The following ADGRA2 variants were observed in gnomAD, a reference collection of about 807,000 sequenced individuals.
The protein encoded by ADGRA2 is adhesion G protein-coupled receptor A2, also known as G-protein coupled receptor 124.
A neutral mutation model predicts 98.7 loss-of-function variants in ADGRA2; 61 were observed. That is an observed-to-expected ratio of 0.62 (90% confidence interval 0.50 to 0.76). The LOEUF is 0.76. ADGRA2 is among the 30% of genes least tolerant of loss of function. The pLI is 0.00. For synonymous variants in ADGRA2, 858 were observed against 831.5 expected (o/e 1.03, Z -0.55); for missense variants, 1,712 against 1,860.0 (o/e 0.92, Z 1.46).
rs773911451 is a variant in ADGRA2, at chr8:37,840,221, C to T, written c.2612C>T (p.Pro871Leu). 2.3e-5 allele frequency: 37 copies of T among 1,612,858 alleles called. No homozygotes were observed. Among genetic ancestry groups the T allele is most frequent in the East Asian group, 2.2e-5 (1 of 44,890 alleles). ...HKELTWRAPP[P>L]QEGDPALPTP... ...GAGCTCACCTGGAGGGCACCCCCTC[C>T]GCAAGAAGGGGACCCCGCTCTGCCT... Residue 871 changes from proline (P) to leucine (L), a missense_variant, in exon 17 of 19, where the codon CCG becomes CTG. Physicochemically the swap from Pro to Leu is moderately conservative, Grantham distance 98. Transcript: ENST00000412232.
intron 2 of ADGRA2, among the ~76,000 whole-genome samples, chr8:37,821,201 C>G (rs1174464248): frequency 6.6e-6 from 1 of 152,190 alleles, no homozygotes; most frequent in East Asian, 1.9e-4. Context: ...GGAATCATCC[C>G]TCCTTCTTTT....
chr8:37,827,624 C>A (rs948376811), intron 2 of ADGRA2, among the ~76,000 whole-genome samples: 1 of 152,220 alleles, frequency 6.6e-6, no homozygotes, highest in Non-Finnish European at 1.5e-5. Context: ...CCCGACACTG[C>A]GGGCTCCTGC....
At chr8:37,828,290 C>T (rs531347447) in intron 2 of ADGRA2, among the ~76,000 whole-genome samples, 1 of 152,316 alleles carries the variant, frequency 6.6e-6, no homozygotes, top group South Asian at 2.1e-4. Flanking sequence ...ACCCCAGCGA[C>T]CTGCAGGGCA....
At chr8:37,825,336 C>T (rs924810255) in intron 2 of ADGRA2, among the ~76,000 whole-genome samples, 6 of 152,050 alleles carry the variant, frequency 3.9e-5, no homozygotes, top group Middle Eastern at 3.2e-3. Context: ...CTCCACCTCC[C>T]AGGTTCAGGT....
At chr8:37,840,725 C>T (rs1365383290) in intron 17 of ADGRA2, 35 bp from the exon 18 acceptor site, 12 of 1,103,590 alleles carry the variant, frequency 1.1e-5, no homozygotes, top group Non-Finnish European at 1.7e-5. Context: ...TCCCTTTCCC[C>T]ATCTCTGGGA....
intron 15 of ADGRA2, 76 bp downstream of exon 15, chr8:37,839,159 A>C: frequency 1.3e-6 from 2 of 1,550,344 alleles, no homozygotes; most frequent in Non-Finnish European, 1.8e-6. Flanking sequence ...TTCCCGTCCT[A>C]TGCTCCGGTA....
At chr8:37,829,141 C>A in intron 3 of ADGRA2, 120 bp from the exon 4 acceptor site, 1 of 880,658 alleles carries the variant, frequency 1.1e-6, no homozygotes, top group Non-Finnish European at 1.9e-6. Context: ...TGGCCCCAAC[C>A]TCATCTCCTT....
In ADGRA2 at chr8:37,830,982, C is replaced by G. The variant is rs1410017799; in HGVS notation, c.932+59C>G. 6 of 1,253,908 alleles carry G rather than the reference C, an allele frequency of 4.8e-6. No homozygotes were observed. Among genetic ancestry groups the G allele is most frequent in the Non-Finnish European group, 5.6e-6 (5 of 888,458 alleles). The allele number at this position is 1,253,908 out of a possible 1,614,324, so 77.7% of individuals were successfully genotyped here. On this transcript the variant is annotated intron_variant, in intron 7 of 18. Transcript: ENST00000412232. The surrounding 1 kb of genome is among the most constrained non-coding windows in gnomAD (Gnocchi z 4.8). ...CATGGGGTTAGGGGACCTACCCTAC[C>G]CGTCACCACCCCGCAAAAGAGCTGC...
rs1805427862 is a variant in ADGRA2, at chr8:37,830,702, T to C, written c.719-8T>C. ...CTCGGGCCTCACGCCTGGTGTCTCC[T>C]CCCACAGAGGGGGCCCTGGAGCTGC... On this transcript the variant is annotated splice_polypyrimidine_tract_variant and splice_region_variant and intron_variant, in intron 6 of 18. Coordinates refer to ENST00000412232, the MANE Select transcript of ADGRA2 (RefSeq NM_032777.10). The surrounding 1 kb of genome is among the most constrained non-coding windows in gnomAD (Gnocchi z 4.8). 6.9e-7 allele frequency: 1 copy of C among 1,440,476 alleles called. No homozygotes were observed. Among genetic ancestry groups the C allele is most frequent in the South Asian group, 1.2e-5 (1 of 85,520 alleles). 89.2% of individuals were successfully genotyped at this position (1,440,476 alleles called of 1,614,324 possible). A position where few individuals can be genotyped will look rare whatever the true frequency, so the allele number is the denominator to read the frequency against.
intron 1 of ADGRA2, among the ~76,000 whole-genome samples, chr8:37,806,047 C>A (rs1396263504): frequency 1.3e-5 from 2 of 152,068 alleles, no homozygotes; most frequent in African/African-American, 2.4e-5. Context: ...AAAAGTTTGG[C>A]TCCCCCCGGG....
At chr8:37,839,339 G>C in intron 15 of ADGRA2, 160 bp from the exon 16 acceptor site, 2 of 877,250 alleles carry the variant, frequency 2.3e-6, no homozygotes, top group Non-Finnish European at 2.7e-6. Context: ...GAATCACTTT[G>C]AGGGGTTAAG....
intron 1 of ADGRA2, among the ~76,000 whole-genome samples, chr8:37,801,122 T>C (rs1804489449): frequency 6.6e-6 from 1 of 152,136 alleles, no homozygotes; most frequent in Admixed American, 6.5e-5. Flanking sequence ...ACAGTCCCAT[T>C]TACCGCATGG....
Position 37,833,768 on chromosome 8 carries a change from CA to C in ADGRA2, c.1378del (p.Met460Ter). On this transcript the variant is annotated frameshift_variant, in exon 10 of 19. Transcript: ENST00000412232. LOFTEE classifies it high-confidence loss of function. ...YTAEAASFSD[M>X]MDVVYVAQMI... ...CAGCCGAGGCCGCTAGCTTTTCAGA[CA>C]TGATGGATGTAGTCTATGTGGCTCA... 6.2e-7 allele frequency: 1 copy of C among 1,614,184 alleles called. No homozygotes were observed. Among genetic ancestry groups the C allele is most frequent in the Non-Finnish European group, 8.5e-7 (1 of 1,179,986 alleles).
At position 37,841,681 on chromosome 8, in the gene ADGRA2, C is replaced by A; in HGVS notation, c.3343C>A (p.Pro1115Thr). The stretch of plus-strand genomic sequence containing the variant: ...TTCCCCGGTGTTCGGGGAGGGCCCC[C>A]CCTCCCTCAAGTCCTCCCCAAGCGG... ...DGSPVFGEGP[P>T]SLKSSPSGSS... is the part of the protein sequence containing the mutation. The change falls in exon 19 of 19, where the codon CCC becomes ACC. Residue 1115 changes from proline to threonine, a missense_variant. Coordinates refer to ENST00000412232, the MANE Select transcript of ADGRA2 (RefSeq NM_032777.10). This position sits in a 1 kb window ranked among gnomAD's most constrained non-coding sequence, Gnocchi z 5.0. 1 of 1,532,144 alleles carries A rather than the reference C, an allele frequency of 6.5e-7. No individual in the cohort carries two copies. Among genetic ancestry groups the A allele is most frequent in the Non-Finnish European group, 8.8e-7 (1 of 1,139,462 alleles). 94.9% of individuals were successfully genotyped at this position (1,532,144 alleles called of 1,614,324 possible).
chr8:37,804,147 A>ACACACACACACACACACACACC, intron 1 of ADGRA2, among the ~76,000 whole-genome samples: 1 of 149,510 alleles, frequency 6.7e-6, no homozygotes, highest in Non-Finnish European at 1.5e-5. Flanking sequence ...ACACACACAC[A>ACACACACACACACACACACACC]CACACGGCTC....
chr8:37,828,039 G>A (rs925926419), intron 2 of ADGRA2, among the ~76,000 whole-genome samples: 1 of 151,990 alleles, frequency 6.6e-6, no homozygotes, highest in Non-Finnish European at 1.5e-5. Flanking sequence ...TTGCTTGGGA[G>A]GCAGAGGTTG....
chr8:37,818,490 C>T (rs374552794), intron 2 of ADGRA2, among the ~76,000 whole-genome samples: 6 of 152,264 alleles, frequency 3.9e-5, no homozygotes, highest in African/African-American at 7.2e-5. Flanking sequence ...AGAACCAGGG[C>T]GGCAGCAGCT....
chr8:37,828,156 A>AAAAC (rs1215223282), intron 2 of ADGRA2, among the ~76,000 whole-genome samples: 3 of 151,966 alleles, frequency 2.0e-5, no homozygotes, highest in African/African-American at 7.3e-5. Flanking sequence ...AAAACAAAAC[A>AAAAC]AAACAACTAC....
chr8:37,826,073 G>A (rs530399937), intron 2 of ADGRA2, among the ~76,000 whole-genome samples: 174 of 152,308 alleles, frequency 1.1e-3, no homozygotes, highest in African/African-American at 3.8e-3. Context: ...TGGGGCAGGC[G>A]GGTGGGGGCT....
Sources: gnomAD v4.1 joint callset for allele counts (sites outside exome capture counted in the v4.1 genomes callset) on GRCh38, gnomAD v4.1.1 for gene constraint, Gnocchi (gnomAD v3.1) non-coding constraint, MANE v1.5 for transcripts, NCBI Gene and HGNC (gene_info 2026-07-23, HGNC 2026-07-21) for gene names.